The following DLC1 variants were observed in gnomAD, a reference collection of about 807,000 sequenced individuals.
The protein encoded by DLC1 is DLC1 Rho GTPase activating protein, also known as rho GTPase-activating protein 7.
In DLC1, 54 loss-of-function variants were observed where a neutral mutation model predicts 140.3. The observed-to-expected ratio is 0.38, with a 90% confidence interval of 0.31 to 0.48. The LOEUF (loss-of-function observed/expected upper bound fraction) is 0.48. Among genes scored for constraint, DLC1 ranks in the 20% least tolerant of loss-of-function variants. The pLI is 0.96. For missense variants in DLC1, 2,536 were observed against 1,907.0 expected, an observed-to-expected ratio of 1.33 and a Z score of -6.14; for synonymous variants, 986 against 728.1, an observed-to-expected ratio of 1.35 and a Z score of -5.70.
In DLC1 at chr8:13,418,889, T is replaced by C. The variant is rs533207943; in HGVS notation, c.1024-17270A>G. Among the ~76,000 whole-genome samples the C allele has an allele frequency of 1.8e-4, 28 of 152,230 alleles. 1 individual carries two copies. The highest frequency in any genetic ancestry group is 1.5e-3 in the Admixed American group (23 of 15,276). ...TTTCTTTGTATCCTCTTTTATTTCA[T>C]TGAGCAGTGGTTTGTAGTTCTCCTT... On this transcript the variant is annotated intron_variant, in intron 2 of 17. Transcript: ENST00000276297.
At chr8:13,574,699 T>A (rs551361163) in intron 1 of DLC1, among the ~76,000 whole-genome samples, 1 of 152,298 alleles carries the variant, frequency 6.6e-6, no homozygotes, top group South Asian at 2.1e-4. Context: ...TAAAAACAAA[T>A]CTGTTTATTG....
intron 4 of DLC1, among the ~76,000 whole-genome samples, chr8:13,332,963 T>C (rs371501364): frequency 3.3e-5 from 5 of 152,306 alleles, no homozygotes; most frequent in South Asian, 4.1e-4. Flanking sequence ...ATAAAATTTA[T>C]GTTTATCCTC....
intron 5 of DLC1, among the ~76,000 whole-genome samples, chr8:13,249,579 T>C (rs1265161228): frequency 6.6e-6 from 1 of 152,218 alleles, no homozygotes; most frequent in East Asian, 1.9e-4. Flanking sequence ...TCTTCTGAAT[T>C]AGTGATTCAA....
intron 2 of DLC1, among the ~76,000 whole-genome samples, chr8:13,456,811 A>G (rs1799411965): frequency 6.6e-6 from 1 of 152,198 alleles, no homozygotes. Flanking sequence ...GATCAGCTCC[A>G]AAGACAAATT....
chr8:13,324,467 C>A (rs950914588), intron 4 of DLC1, among the ~76,000 whole-genome samples: 4 of 150,492 alleles, frequency 2.7e-5, no homozygotes, highest in African/African-American at 7.3e-5. Context: ...ACTCGGGAGG[C>A]TGAGGCAGGA....
intron 5 of DLC1, among the ~76,000 whole-genome samples, chr8:13,132,601 G>A (rs1053757017): frequency 6.6e-5 from 10 of 151,936 alleles, no homozygotes; most frequent in Non-Finnish European, 1.3e-4. Context: ...CGCGCCCCTC[G>A]AGCCAGAGCC....
chr8:13,186,560 T>G (rs913654701), intron 5 of DLC1, among the ~76,000 whole-genome samples: 1 of 152,178 alleles, frequency 6.6e-6, no homozygotes, highest in African/African-American at 2.4e-5. Flanking sequence ...TAATCTTTTT[T>G]CAAGGATTTT....
intron 1 of DLC1, among the ~76,000 whole-genome samples, chr8:13,552,180 T>C (rs1004654342): frequency 3.6e-5 from 4 of 112,494 alleles, no homozygotes; most frequent in East Asian, 3.1e-4. Context: ...TCTAGAGGTG[T>C]ATATATATAC....
chr8:13,099,009 C>G (rs1262995792), intron 9 of DLC1, among the ~76,000 whole-genome samples: 1 of 140,450 alleles, frequency 7.1e-6, no homozygotes, highest in Non-Finnish European at 1.7e-5. Context: ...CTATCCCATG[C>G]TTTAATCCCC....
At chr8:13,596,428 C>T (rs545495065) in intron 1 of DLC1, among the ~76,000 whole-genome samples, 1 of 151,850 alleles carries the variant, frequency 6.6e-6, no homozygotes, top group South Asian at 2.1e-4. Flanking sequence ...CATAGAGGGT[C>T]TATGGAACTT....
At chr8:13,144,358 A>G (rs1823255956) in intron 5 of DLC1, among the ~76,000 whole-genome samples, 1 of 152,252 alleles carries the variant, frequency 6.6e-6, no homozygotes, top group East Asian at 1.9e-4. Flanking sequence ...CTTGGTTCTG[A>G]GGTTCTGGAC....
chr8:13,362,590 C>T (rs1835282370), intron 4 of DLC1, among the ~76,000 whole-genome samples: 1 of 151,830 alleles, frequency 6.6e-6, no homozygotes, highest in Non-Finnish European at 1.5e-5. Flanking sequence ...GGTCTATTAT[C>T]TAGTATTGTT....
chr8:13,428,867 G>T (rs1214804268), intron 2 of DLC1, among the ~76,000 whole-genome samples: 2 of 152,194 alleles, frequency 1.3e-5, no homozygotes, highest in Non-Finnish European at 2.9e-5. Context: ...TATTTATACA[G>T]TAACCCAATT....
chr8:13,262,994 A>C (rs1468525088), intron 5 of DLC1, among the ~76,000 whole-genome samples: 1 of 152,246 alleles, frequency 6.6e-6, no homozygotes, highest in Non-Finnish European at 1.5e-5. Flanking sequence ...CATTTTAAAA[A>C]TGAAGTGTTA....
At chr8:13,526,566 T>C (rs1802926552) in intron 1 of DLC1, among the ~76,000 whole-genome samples, 1 of 152,188 alleles carries the variant, frequency 6.6e-6, no homozygotes, top group Non-Finnish European at 1.5e-5. Flanking sequence ...CTATTGTAAA[T>C]GTATTTTTAA....
At chr8:13,478,372 A>T (rs998336711) in intron 2 of DLC1, among the ~76,000 whole-genome samples, 3 of 151,914 alleles carry the variant, frequency 2.0e-5, no homozygotes, top group African/African-American at 2.4e-5. Context: ...TGACCCAGAA[A>T]CCTCCCACCA....
chr8:13,289,287 T>A (rs1255453852), intron 5 of DLC1, among the ~76,000 whole-genome samples: 1 of 152,086 alleles, frequency 6.6e-6, no homozygotes, highest in Non-Finnish European at 1.5e-5. Context: ...AACTCCTGAG[T>A]TCAAGCTATC....
At chr8:13,275,897 C>T (rs933374359) in intron 5 of DLC1, among the ~76,000 whole-genome samples, 3 of 152,174 alleles carry the variant, frequency 2.0e-5, no homozygotes, top group African/African-American at 7.2e-5. Context: ...TGACCCGAGA[C>T]AGCCCCGAGG....
intron 5 of DLC1, among the ~76,000 whole-genome samples, chr8:13,280,922 A>C (rs1469600566): frequency 6.6e-6 from 1 of 152,232 alleles, no homozygotes; most frequent in African/African-American, 2.4e-5. Context: ...CAGCCCCTGA[A>C]ACGGGATGGC....
Sources: gnomAD v4.1 joint callset for allele counts (sites outside exome capture counted in the v4.1 genomes callset) on GRCh38, gnomAD v4.1.1 for gene constraint, MANE v1.5 for transcripts, NCBI Gene and HGNC (gene_info 2026-07-23, HGNC 2026-07-21) for gene names.